The following KDM2B variants were observed in gnomAD, a reference collection of about 807,000 sequenced individuals.
KDM2B encodes lysine-specific demethylase 2B.
Under a neutral mutation model 150.0 loss-of-function variants are expected in KDM2B, and 26 were observed. The observed-to-expected ratio is 0.17, with a 90% CI of 0.13 to 0.24. The LOEUF is 0.24. Ranked by LOEUF, KDM2B falls within the 10% of genes least tolerant of loss-of-function variation. KDM2B has a pLI of 1.00. For synonymous variants in KDM2B, 734 were observed against 729.5 expected, an observed-to-expected ratio of 1.01 and a Z score of -0.10; for missense variants, 1,265 against 1,816.9, an observed-to-expected ratio of 0.70 and a Z score of 5.52.
intron 20 of KDM2B, 27 bp from the exon 21 acceptor site, chr12:121,441,004 G>A: frequency 3.1e-6 from 5 of 1,612,656 alleles, no homozygotes; most frequent in Non-Finnish European, 4.2e-6. Flanking sequence ...AAGGGTGAAG[G>A]TCAGGGGATG....
At chr12:121,485,961 C>T (rs561107429) in intron 12 of KDM2B, among the ~76,000 whole-genome samples, 11 of 150,984 alleles carry the variant, frequency 7.3e-5, no homozygotes, top group African/African-American at 2.4e-4. Context: ...ATTTTTAGTA[C>T]AGACAGGGTT....
chr12:121,467,361 G>C lies in KDM2B; in HGVS notation c.1735-14017C>G, dbSNP rs1392150249. 2 of 981,272 alleles carry C rather than the reference G, an allele frequency of 2.0e-6. No individual in the cohort carries two copies. The highest frequency in any genetic ancestry group is 6.3e-5 in the Admixed American group (1 of 15,840). 60.8% of individuals were successfully genotyped at this position (981,272 alleles called of 1,614,324 possible). A position where few individuals can be genotyped will look rare whatever the true frequency, so the allele number is the denominator to read the frequency against. On this transcript the variant is annotated intron_variant, in intron 12 of 22. Transcript: ENST00000377071. This position sits in a 1 kb window ranked among gnomAD's most constrained non-coding sequence, Gnocchi z 5.1. ...CCGCGAGGAGGGAGCCGCGCCGCGC[G>C]CCTCGCACGCCCGCGCTGGAGGGGG...
chr12:121,496,801 G>A (rs1356652357), intron 11 of KDM2B, among the ~76,000 whole-genome samples: 3 of 151,840 alleles, frequency 2.0e-5, no homozygotes, highest in Non-Finnish European at 4.4e-5. Context: ...GGGATTGCGA[G>A]TGTGAGCCTC....
chr12:121,461,182 G>C (rs60436465), intron 12 of KDM2B, among the ~76,000 whole-genome samples: 4,157 of 152,246 alleles, frequency 0.027, 171 homozygotes, highest in African/African-American at 0.082. Flanking sequence ...AGGGGTGGGA[G>C]TGGGGTTACG....
At position 121,442,349 on chromosome 12, in the gene KDM2B, G is replaced by T; in HGVS notation, c.3092C>A (p.Ser1031Tyr). 2 of 1,492,350 alleles carry T rather than the reference G, an allele frequency of 1.3e-6. No homozygotes were observed. The highest frequency in any genetic ancestry group is 9.1e-7 in the Non-Finnish European group (1 of 1,094,156). The allele number at this position is 1,492,350 out of a possible 1,614,324, so 92.4% of individuals were successfully genotyped here. A position where few individuals can be genotyped will look rare whatever the true frequency, so the allele number is the denominator to read the frequency against. The change falls in exon 19 of 23, where the codon TCC (serine) becomes TAC (tyrosine). Residue 1031 changes from serine (S) to tyrosine (Y), a missense_variant. This residue lies in a region of KDM2B where 418 missense variants were observed against 402.4 expected (regional missense o/e 1.04). Transcript: ENST00000377071. The surrounding 1 kb of genome is among the most constrained non-coding windows in gnomAD (Gnocchi z 7.7). ...CTCCATCTGGATACACTTGGGCGGG[G>T]ACACGGAGGGTGGGGGCCGGGAGAT... ...RVISRPPPSV[S>Y]PPKCIQMERH...
intron 21 of KDM2B, chr12:121,440,318 A>C: frequency 1.8e-6 from 1 of 540,800 alleles, no homozygotes; most frequent in South Asian, 2.1e-5. Flanking sequence ...CATTCCACCC[A>C]GTAGTCATCA....
rs566296538 is a variant in KDM2B, at chr12:121,536,094, G to A, written c.684-1504C>T. 1.5e-4 allele frequency: 146 copies of A among 985,850 alleles called. No homozygotes were observed. The African/African-American group carries it at 2.3e-3, about 15-fold the overall frequency. 61.1% of individuals were successfully genotyped at this position (985,850 alleles called of 1,614,324 possible). Reference sequence around the variant, plus strand: ...GGAATGGGGCGGGGACGGACAGGGAGGAGCCAGCAGCGCGCCGGCACGAGT... The same window carrying A: ...GGAATGGGGCGGGGACGGACAGGGAAGAGCCAGCAGCGCGCCGGCACGAGT... On this transcript the variant is annotated intron_variant, in intron 6 of 22. Coordinates refer to ENST00000377071, the MANE Select transcript of KDM2B (RefSeq NM_032590.5).
At chr12:121,433,290 T>TGA in intron 22 of KDM2B, 1 of 432,468 alleles carries the variant, frequency 2.3e-6, no homozygotes, top group South Asian at 1.6e-5. Flanking sequence ...ACAGGCAGGC[T>TGA]GACAGATGTT....
chr12:121,513,453 G>T lies in KDM2B; in HGVS notation c.1048-51C>A, dbSNP rs1246003382. On this transcript the variant is annotated intron_variant, in intron 9 of 22. Coordinates refer to ENST00000377071, the MANE Select transcript of KDM2B (RefSeq NM_032590.5). The surrounding 1 kb of genome is among the most constrained non-coding windows in gnomAD (Gnocchi z 5.0). ...GAGGTCAGTTTCCAGAGGGCGAAGG[G>T]GGAAGGAGGGAGAGAAGTGCGGGGC... The T allele has an allele frequency of 3.1e-6, 5 of 1,593,912 alleles. No individual in the cohort carries two copies. Among genetic ancestry groups the T allele is most frequent in the Non-Finnish European group, 3.4e-6 (4 of 1,164,144 alleles).
chr12:121,433,241 G>T, intron 22 of KDM2B: 1 of 456,272 alleles, frequency 2.2e-6, no homozygotes. Flanking sequence ...GTCCCTCTGT[G>T]CGTTAGAGTT....
chr12:121,571,216 G>T (rs1319476924), intron 4 of KDM2B, among the ~76,000 whole-genome samples: 6 of 152,170 alleles, frequency 3.9e-5, no homozygotes, highest in African/African-American at 1.4e-4. Flanking sequence ...GTTTCTTTTG[G>T]GGGTGATAGA....
intron 22 of KDM2B, among the ~76,000 whole-genome samples, chr12:121,437,921 T>C (rs888396580): frequency 3.9e-5 from 6 of 152,006 alleles, no homozygotes; most frequent in African/African-American, 1.4e-4. Context: ...TAGAAGAGTT[T>C]AGGTATAGAG....
chr12:121,443,353 C>T lies in KDM2B; in HGVS notation c.2566-323G>A, dbSNP rs534051291. On this transcript the variant is annotated intron_variant, in intron 17 of 22. Coordinates refer to ENST00000377071, the MANE Select transcript of KDM2B (RefSeq NM_032590.5). ...TTCTGGAGCACAGCCCTGTGGGAAT[C>T]CCCGGCCCAGCAGGAATGGCTAGAG... 1.7e-3 allele frequency: 971 copies of T among 574,262 alleles called. 4 individuals are homozygous for T. The highest frequency in any genetic ancestry group is 3.3e-3 in the South Asian group (159 of 48,066). 35.6% of individuals were successfully genotyped at this position (574,262 alleles called of 1,614,324 possible). A position where few individuals can be genotyped will look rare whatever the true frequency, so the allele number is the denominator to read the frequency against.
At chr12:121,491,174 A>G (rs2140285097) in intron 12 of KDM2B, among the ~76,000 whole-genome samples, 1 of 152,262 alleles carries the variant, frequency 6.6e-6, no homozygotes, top group Non-Finnish European at 1.5e-5. Context: ...CTGTGCAATG[A>G]CAGAAACCTG....
chr12:121,581,026 G>A (rs1891937466), upstream of KDM2B: 1 of 1,404,430 alleles, frequency 7.1e-7, no homozygotes, highest in Admixed American at 2.2e-5. Flanking sequence ...ACACGTACAG[G>A]AAATACAGCC....
At chr12:121,488,457 C>T (rs1883007566) in intron 12 of KDM2B, among the ~76,000 whole-genome samples, 1 of 152,154 alleles carries the variant, frequency 6.6e-6, no homozygotes, top group Non-Finnish European at 1.5e-5. Flanking sequence ...GCGCTGTTAG[C>T]ACCTTTCACA....
chr12:121,572,878 T>C (rs1379963088), intron 4 of KDM2B, among the ~76,000 whole-genome samples: 6 of 146,894 alleles, frequency 4.1e-5, no homozygotes, highest in Non-Finnish European at 7.4e-5. Context: ...CAGGCTGGAG[T>C]GCAGTGGCAC....
rs139627193 is a variant in KDM2B at position 121,475,891 on chromosome 12, C to T, written c.1734+18688G>A. Among the ~76,000 whole-genome samples the T allele has an allele frequency of 8.1e-3, 1,221 of 151,668 alleles. 16 individuals are homozygous for T. Among genetic ancestry groups the T allele is most frequent in the African/African-American group, 0.025 (1,035 of 41,324 alleles). ...CTCAAGAGAGATTTTAGGCCAGGGG[C>T]AGTGGCTCACACCTGTTATCCCAAC... On this transcript the variant is annotated intron_variant, in intron 12 of 22. Transcript: ENST00000377071.
Position 121,535,872 on chromosome 12 carries a change from C to A in KDM2B, c.684-1282G>T, listed in dbSNP as rs147927202. On this transcript the variant is annotated intron_variant, in intron 6 of 22. Transcript: ENST00000377071. Reference sequence around the variant, plus strand: ...ACAGAGAAGGCTTCCAAGTCCAGGCCTGGCACATGACGGTGCCAGGGACCC... The same window carrying A: ...ACAGAGAAGGCTTCCAAGTCCAGGCATGGCACATGACGGTGCCAGGGACCC... 2.9e-3 allele frequency: 487 copies of A among 165,742 alleles called. 6 individuals are homozygous for A. Among genetic ancestry groups the A allele is most frequent in the African/African-American group, 0.011 (473 of 41,768 alleles). The allele number at this position is 165,742 out of a possible 1,614,324, so 10.3% of individuals were successfully genotyped here.
Sources: gnomAD v4.1 joint callset for allele counts (sites outside exome capture counted in the v4.1 genomes callset) on GRCh38, gnomAD v4.1.1 for gene constraint, gnomAD v4.1.1 regional missense constraint, Gnocchi (gnomAD v3.1) non-coding constraint, MANE v1.5 for transcripts, NCBI Gene and HGNC (gene_info 2026-07-23, HGNC 2026-07-21) for gene names.